ARL17B: variants seen among roughly 807,000 people sequenced by gnomAD.
ARL17B encodes ARF like GTPase 17B.
downstream of ARL17B, among the ~76,000 whole-genome samples, chr17:46,274,368 C>G (rs1567847468): frequency 6.6e-6 from 1 of 152,228 alleles, no homozygotes; most frequent in Non-Finnish European, 1.5e-5. Context: ...ATTCAAGTCA[C>G]CAGAGTCTGT....
At chr17:46,282,415 TTG>T (rs1491060819) in intron 4 of ARL17B, among the ~76,000 whole-genome samples, 12 of 124,362 alleles carry the variant, frequency 9.6e-5, no homozygotes, top group African/African-American at 1.3e-4. Flanking sequence ...AGTTTTTTGT[TTG>T]TTTTTTTTTT....
intron 4 of ARL17B, among the ~76,000 whole-genome samples, chr17:46,279,702 C>G (rs1284024721): frequency 6.6e-6 from 1 of 151,878 alleles, no homozygotes; most frequent in African/African-American, 2.4e-5. Context: ...CCTCATGTTG[C>G]CCGGGCTGGT....
intron 3 of ARL17B, among the ~76,000 whole-genome samples, chr17:46,324,854 T>A (rs1323795966): frequency 9.4e-5 from 7 of 74,624 alleles, no homozygotes; most frequent in African/African-American, 2.0e-4. Flanking sequence ...ATATATATAT[T>A]TATATATATG....
intron 4 of ARL17B, among the ~76,000 whole-genome samples, chr17:46,283,112 C>T (rs1466477104): frequency 6.6e-6 from 1 of 151,954 alleles, no homozygotes; most frequent in Non-Finnish European, 1.5e-5. Context: ...GGTGAGACTC[C>T]ATCTCAAAAA....
intron 4 of ARL17B, among the ~76,000 whole-genome samples, chr17:46,289,820 T>C (rs1334743761): frequency 1.3e-5 from 2 of 152,232 alleles, no homozygotes; most frequent in Non-Finnish European, 2.9e-5. Flanking sequence ...ATTTTATTTT[T>C]CCTTCTTTGA....
At chr17:46,290,592 G>A (rs932704767) in intron 4 of ARL17B, among the ~76,000 whole-genome samples, 2 of 152,082 alleles carry the variant, frequency 1.3e-5, no homozygotes, top group African/African-American at 4.8e-5. Context: ...GATTACAGGT[G>A]CCTGCCACCA....
At chr17:46,274,980 C>G (rs1430462233) in exon 5 of ARL17B, 1 of 157,088 alleles carries the variant, frequency 6.4e-6, no homozygotes, top group Non-Finnish European at 1.4e-5. Context: ...ACAACCTCTG[C>G]CTCCCGGGTT....
At position 46,319,212 on chromosome 17, in the gene ARL17B, A is replaced by ATTTTTTT. The variant is rs1225879085; in HGVS notation, c.260-19554_260-19548dup. On this transcript the variant is annotated intron_variant, in intron 3 of 4. Coordinates refer to the ARL17B transcript ENST00000434041. ...GTTCTGAAAAAGTTTATTGTGGTCA[A>ATTTTTTT]TTTTTTTTTTTTTTTTTTTTTTTTT... 3.0e-3 allele frequency among the ~76,000 whole-genome samples: 5 copies of ATTTTTTT among 1,640 alleles called. 1 individual carries two copies. Among genetic ancestry groups the ATTTTTTT allele is most frequent in the Non-Finnish European group, 7.8e-3 (5 of 638 alleles). 1.1% of individuals were successfully genotyped at this position (1,640 alleles called of 152,430 possible). A position where few individuals can be genotyped will look rare whatever the true frequency, so the allele number is the denominator to read the frequency against.
intron 4 of ARL17B, among the ~76,000 whole-genome samples, chr17:46,286,185 A>G (rs1488180276): frequency 6.6e-6 from 1 of 152,278 alleles, no homozygotes; most frequent in African/African-American, 2.4e-5. Flanking sequence ...AAACCCTGGG[A>G]TATAAAATAG....
chr17:46,292,149 T>A (rs868579695), intron 4 of ARL17B, among the ~76,000 whole-genome samples: 2 of 125,400 alleles, frequency 1.6e-5, no homozygotes, highest in African/African-American at 5.7e-5. Context: ...TTGGCTAACA[T>A]GGTGAAACCC....
chr17:46,323,939 G>A (rs563228287), intron 3 of ARL17B, among the ~76,000 whole-genome samples: 1 of 100,828 alleles, frequency 9.9e-6, no homozygotes, highest in Admixed American at 9.9e-5. Context: ...GAGTATACCT[G>A]AGGCTGTATA....
At chr17:46,282,210 C>A (rs75560915) in intron 4 of ARL17B, among the ~76,000 whole-genome samples, 5 of 116,908 alleles carry the variant, frequency 4.3e-5, no homozygotes, top group Non-Finnish European at 1.1e-4. Flanking sequence ...TCATGCCATT[C>A]TCCTGCCTCA....
chr17:46,285,909 C>T (rs59820486), intron 4 of ARL17B, among the ~76,000 whole-genome samples: 22 of 152,344 alleles, frequency 1.4e-4, no homozygotes, highest in East Asian at 9.6e-4. Flanking sequence ...CTGTAAGGAA[C>T]GGAGCACCCT....
chr17:46,341,016 C>T (rs2052514826), intron 3 of ARL17B, among the ~76,000 whole-genome samples: 1 of 70,130 alleles, frequency 1.4e-5, no homozygotes, highest in African/African-American at 4.8e-5. Context: ...ACTGGGATTA[C>T]AGGTGGGAGT....
At chr17:46,275,380 CT>C in exon 5 of ARL17B, 2 of 1,006,426 alleles carry the variant, frequency 2.0e-6, no homozygotes, top group South Asian at 1.3e-5. Context: ...ACATGCTGAA[CT>C]TTAGGAAGCT....
At chr17:46,329,293 C>CT (rs1210703233) in intron 3 of ARL17B, among the ~76,000 whole-genome samples, 1 of 6,026 alleles carries the variant, frequency 1.7e-4, no homozygotes, top group African/African-American at 2.3e-4. Context: ...TTTTTCAAAA[C>CT]TTTTTTTTTT....
downstream of ARL17B, among the ~76,000 whole-genome samples, chr17:46,332,889 T>A: frequency 6.6e-6 from 1 of 151,366 alleles, no homozygotes; most frequent in East Asian, 1.9e-4. Flanking sequence ...TGAATCCCAC[T>A]AGACTATTTT....
intron 3 of ARL17B, among the ~76,000 whole-genome samples, chr17:46,340,454 A>G (rs1292552970): frequency 3.0e-5 from 2 of 66,250 alleles, no homozygotes; most frequent in South Asian, 6.1e-4. Context: ...GACCTCAGGT[A>G]ATCCACCCGC....
chr17:46,323,059 CTTAG>C (rs2051481266), intron 3 of ARL17B: 1 of 250,596 alleles, frequency 4.0e-6, no homozygotes, highest in Non-Finnish European at 7.6e-6. Context: ...TTTATTTTTA[CTTAG>C]TTGGTTCTTT....
Sources: gnomAD v4.1 joint callset for allele counts (sites outside exome capture counted in the v4.1 genomes callset) on GRCh38, gnomAD v4.1.1 for gene constraint, MANE v1.5 for transcripts, NCBI Gene and HGNC (gene_info 2026-07-23, HGNC 2026-07-21) for gene names.